The following CCDC73 variants were observed in gnomAD, a reference collection of about 807,000 sequenced individuals.
The protein encoded by CCDC73 is coiled-coil domain containing 73.
Under a neutral mutation model 116.5 loss-of-function variants are expected in CCDC73, and 95 were observed. The ratio of observed to expected loss-of-function variants is 0.82; its 90% CI spans 0.69 to 0.97. The LOEUF (loss-of-function observed/expected upper bound fraction) is 0.97, where lower values mean the gene tolerates loss of function less well. Among genes scored for constraint, CCDC73 ranks in the 50% least tolerant of loss-of-function variants. The probability of loss-of-function intolerance (pLI) is 0.00; values close to 1 mark genes in which losing one functional copy is unlikely to be tolerated. For synonymous variants in CCDC73, 398 were observed against 401.3 expected (o/e 0.99, Z 0.10); for missense variants, 1,066 against 1,206.8 (o/e 0.88, Z 1.73).
intron 6 of CCDC73, 130 bp downstream of exon 6, chr11:32,699,121 T>C: frequency 1.0e-6 from 1 of 998,338 alleles, no homozygotes; most frequent in South Asian, 3.7e-5. Context: ...GGAAAAAGTA[T>C]TAAATTATGT....
chr11:32,746,875 C>T (rs1336290768), intron 2 of CCDC73, among the ~76,000 whole-genome samples: 1 of 152,124 alleles, frequency 6.6e-6, no homozygotes. Flanking sequence ...AGAACATGCT[C>T]CTTTAGCTCG....
At chr11:32,722,289 C>T (rs1357575064) in intron 2 of CCDC73, among the ~76,000 whole-genome samples, 1 of 152,146 alleles carries the variant, frequency 6.6e-6, no homozygotes, top group African/African-American at 2.4e-5. Context: ...AGTGTATTCT[C>T]TTAAAAAAAG....
rs184769188 is a variant in CCDC73 at position 32,646,899 on chromosome 11, T to C, written c.940-4817A>G. Among the ~76,000 whole-genome samples, 7 of 152,292 alleles carry C rather than the reference T, an allele frequency of 4.6e-5. No individual in the cohort carries two copies. In the East Asian group the frequency reaches 1.4e-3, roughly 29 times the overall value. ...GAAGACAGTATTATCTTCCAACCTT[T>C]CCTTTGTACTTTTTATGTCTGCTAA... On this transcript the variant is annotated intron_variant, in intron 12 of 17. Transcript: ENST00000335185.
intron 14 of CCDC73, among the ~76,000 whole-genome samples, chr11:32,620,293 C>A (rs1258677315): frequency 2.4e-4 from 37 of 152,088 alleles, no homozygotes; most frequent in Admixed American, 2.4e-3. Context: ...CCTCTCTTCA[C>A]AGGATAGCTT....
At chr11:32,617,851 C>A (rs1050072202) in intron 14 of CCDC73, among the ~76,000 whole-genome samples, 3 of 152,128 alleles carry the variant, frequency 2.0e-5, no homozygotes, top group Non-Finnish European at 4.4e-5. Flanking sequence ...TCTAATGAAC[C>A]TGTATTTATT....
At position 32,675,981 on chromosome 11, in the gene CCDC73, T is replaced by A; in HGVS notation, c.470A>T (p.Tyr157Phe). 6.2e-7 allele frequency: 1 copy of A among 1,607,994 alleles called. No homozygotes were observed. The highest frequency in any genetic ancestry group is 8.5e-7 in the Non-Finnish European group (1 of 1,177,942). ...VQLHLLAKED[Y>F]HKQLSEIEKY... Reference sequence around the variant, plus strand: ...CTCAATTTCACTCAGTTGCTTATGATAGTCTTCTTTAGCCAGAAGATGTAA... The same window carrying A: ...CTCAATTTCACTCAGTTGCTTATGAAAGTCTTCTTTAGCCAGAAGATGTAA... Residue 157 changes from tyrosine to phenylalanine, a missense_variant, in exon 8 of 18, where the codon TAT becomes TTT. Coordinates refer to ENST00000335185, the MANE Select transcript of CCDC73 (RefSeq NM_001008391.4).
chr11:32,661,773 T>G (rs1027856674), intron 9 of CCDC73, among the ~76,000 whole-genome samples: 3 of 151,938 alleles, frequency 2.0e-5, no homozygotes, highest in Non-Finnish European at 4.4e-5. Context: ...CATGTTGGTG[T>G]GCTGCACCCA....
chr11:32,806,284 T>C, the CCDC73 span, among the ~76,000 whole-genome samples: 1 of 152,190 alleles, frequency 6.6e-6, no homozygotes, highest in Non-Finnish European at 1.5e-5. Flanking sequence ...TCCTGTTGAT[T>C]GGTGTTGACA....
chr11:32,633,776 C>A (rs1433223730), intron 14 of CCDC73, among the ~76,000 whole-genome samples: 1 of 151,996 alleles, frequency 6.6e-6, no homozygotes, highest in Admixed American at 6.6e-5. Flanking sequence ...TAGCATGTGC[C>A]AAAATTCTAG....
At chr11:32,772,062 C>G (rs1033478705) in intron 1 of CCDC73, among the ~76,000 whole-genome samples, 1 of 152,188 alleles carries the variant, frequency 6.6e-6, no homozygotes, top group Non-Finnish European at 1.5e-5. Context: ...GCAACAGAGC[C>G]TAGGCAAGAC....
chr11:32,683,756 T>C (rs775728374), intron 6 of CCDC73, among the ~76,000 whole-genome samples, 182 bp from the exon 7 acceptor site: 4 of 152,304 alleles, frequency 2.6e-5, no homozygotes, highest in Non-Finnish European at 4.4e-5. Context: ...TCCTGGAATA[T>C]AGCAGTGAAC....
intron 2 of CCDC73, among the ~76,000 whole-genome samples, chr11:32,753,309 T>C (rs1850304084): frequency 2.9e-5 from 3 of 104,704 alleles, no homozygotes; most frequent in Non-Finnish European, 4.1e-5. Context: ...TTTTTTTTTT[T>C]CTTTTTGAGA....
intron 1 of CCDC73, among the ~76,000 whole-genome samples, chr11:32,772,079 A>G (rs1163706505): frequency 1.3e-5 from 2 of 152,242 alleles, no homozygotes; most frequent in East Asian, 1.9e-4. Context: ...AGACCAGCAG[A>G]AAAACATTCC....
At chr11:32,610,888 C>T (rs1855415725) in intron 17 of CCDC73, among the ~76,000 whole-genome samples, 1 of 152,144 alleles carries the variant, frequency 6.6e-6, no homozygotes. Flanking sequence ...AATAGAAGTA[C>T]ATATCCGATG....
chr11:32,689,158 T>C (rs1375147836), intron 6 of CCDC73, among the ~76,000 whole-genome samples: 2 of 152,044 alleles, frequency 1.3e-5, no homozygotes, highest in Non-Finnish European at 2.9e-5. Flanking sequence ...AATTATTCCA[T>C]GAGAAACAGA....
the CCDC73 span, among the ~76,000 whole-genome samples, chr11:32,805,352 A>T: frequency 1.9e-4 from 29 of 152,346 alleles, no homozygotes; most frequent in African/African-American, 6.5e-4. Context: ...ACTGCTTACA[A>T]ACTTTCCAAG....
chr11:32,742,142 A>G (rs1012075220), intron 2 of CCDC73, among the ~76,000 whole-genome samples: 1 of 152,230 alleles, frequency 6.6e-6, no homozygotes, highest in African/African-American at 2.4e-5. Flanking sequence ...TCTTTACAGC[A>G]GCATGATTTA....
In CCDC73 at chr11:32,717,996, C is replaced by T. The variant is rs920100052; in HGVS notation, c.207+80G>A. 74 of 942,692 alleles carry T rather than the reference C, an allele frequency of 7.8e-5. 1 individual carries two copies. The highest frequency in any genetic ancestry group is 7.7e-4 in the South Asian group (51 of 66,354). 58.4% of individuals were successfully genotyped at this position (942,692 alleles called of 1,614,324 possible). ...TTCAATTACCTCCACCTTGTCTCTC[C>T]CTTGACACGTGGGGGTTACGGGGAT... is the stretch of plus-strand genomic sequence containing the variant. On this transcript the variant is annotated intron_variant, in intron 3 of 17. Coordinates refer to ENST00000335185, the MANE Select transcript of CCDC73 (RefSeq NM_001008391.4).
intron 5 of CCDC73, 48 bp downstream of exon 5, chr11:32,700,743 A>G (rs56827815): frequency 3.3e-6 from 3 of 899,224 alleles, no homozygotes; most frequent in Non-Finnish European, 5.1e-6. Flanking sequence ...ATTTTGTAAA[A>G]GTAAATACTT....
Sources: allele counts gnomAD v4.1 joint callset (sites outside exome capture counted in the v4.1 genomes callset), GRCh38; gene constraint gnomAD v4.1.1; transcripts MANE v1.5; gene names NCBI Gene and HGNC (gene_info 2026-07-23, HGNC 2026-07-21).